The following PARP8 variants were observed in gnomAD, a reference collection of about 807,000 sequenced individuals.
PARP8 encodes the protein poly(ADP-ribose) polymerase family member 8.
In PARP8, 51 loss-of-function variants were observed where a neutral mutation model predicts 124.1. The ratio of observed to expected loss-of-function variants is 0.41; its 90% confidence interval spans 0.33 to 0.52. The LOEUF is 0.52. Among genes scored for constraint, PARP8 ranks in the 20% least tolerant of loss-of-function variants. The pLI is 0.21. For synonymous variants in PARP8, 391 were observed against 361.5 expected, an observed-to-expected ratio of 1.08 and a Z score of -0.93; for missense variants, 860 against 1,018.9, an observed-to-expected ratio of 0.84 and a Z score of 2.12.
intron 2 of PARP8, among the ~76,000 whole-genome samples, chr5:50,698,908 C>T (rs1341415020): frequency 6.6e-6 from 1 of 152,152 alleles, no homozygotes; most frequent in Non-Finnish European, 1.5e-5. Context: ...TGTTTCCCTT[C>T]CCCTAGGGAA....
chr5:50,787,991 C>A (rs1421245698), intron 9 of PARP8, among the ~76,000 whole-genome samples: 1 of 148,986 alleles, frequency 6.7e-6, no homozygotes, highest in African/African-American at 2.5e-5. Flanking sequence ...GTACGAACCA[C>A]GTGAAAAGGA....
chr5:50,689,504 A>G (rs1752259277), intron 2 of PARP8, among the ~76,000 whole-genome samples: 1 of 152,182 alleles, frequency 6.6e-6, no homozygotes, highest in Admixed American at 6.5e-5. Context: ...ATTTCAGGGA[A>G]GGAGGGAAAA....
At chr5:50,703,291 C>T (rs4548483) in intron 2 of PARP8, among the ~76,000 whole-genome samples, 79,166 of 142,012 alleles carry the variant, frequency 0.56, 22,958 homozygotes, top group East Asian at 0.67. Flanking sequence ...CGGAGTGAGA[C>T]CGTGTCTCAA....
intron 2 of PARP8, among the ~76,000 whole-genome samples, chr5:50,725,351 A>C (rs181760837): frequency 1.3e-5 from 2 of 152,104 alleles, no homozygotes; most frequent in Non-Finnish European, 2.9e-5. Context: ...TACATGAACA[A>C]TCTTACATGT....
Position 50,829,812 on chromosome 5 carries a change from A to G in PARP8, c.2164-80A>G, listed in dbSNP as rs1187325632. The G allele has an allele frequency of 1.1e-5, 15 of 1,362,066 alleles. No individual in the cohort carries two copies. In the African/African-American group the frequency reaches 1.2e-4, roughly 11 times the overall value. 84.4% of individuals were successfully genotyped at this position (1,362,066 alleles called of 1,614,324 possible). On this transcript the variant is annotated intron_variant, in intron 21 of 25. Transcript: ENST00000281631. ...TTTTTGTAAGACTGAATGTTCTGACATGAAACTGATTGCTTTGTCAAATAT... is the reference window on the plus strand; with the variant it reads ...TTTTTGTAAGACTGAATGTTCTGACGTGAAACTGATTGCTTTGTCAAATAT...
rs1426148087 is a variant in PARP8, at chr5:50,845,927, T to C, written c.*3859T>C. 2.0e-5 allele frequency: 3 copies of C among 151,796 alleles called. No homozygotes were observed. The highest frequency in any genetic ancestry group is 3.0e-5 in the Non-Finnish European group (2 of 67,786). 9.4% of individuals were successfully genotyped at this position (151,796 alleles called of 1,614,324 possible). On this transcript the variant is annotated 3_prime_UTR_variant, in exon 26 of 26. Coordinates refer to ENST00000281631, the MANE Select transcript of PARP8 (RefSeq NM_024615.4). ...AGATTTGATGTATATTATTACCCAG[T>C]AAATTCTTCTTGGGAATTTTGTATA...
In PARP8 at chr5:50,795,259, A is replaced by G. The variant is rs2149650490; in HGVS notation, c.1270A>G (p.Lys424Glu). The change falls in exon 12 of 26, where the codon AAA (lysine) becomes GAA (glutamate). Residue 424 changes from lysine (K) to glutamate (E), a missense_variant. Coordinates refer to ENST00000281631, the MANE Select transcript of PARP8 (RefSeq NM_024615.4). ...NLRMEELYGL[K>E]NHKLLSKSYS... ...CAGAATGGAAGAATTATATGGACTGAAAAATCACAAATTGCTCAGCAAGTC... is the reference window on the plus strand; with the variant it reads ...CAGAATGGAAGAATTATATGGACTGGAAAATCACAAATTGCTCAGCAAGTC... The G allele has an allele frequency of 1.9e-6, 3 of 1,614,172 alleles. No homozygotes were observed. The highest frequency in any genetic ancestry group is 2.5e-6 in the Non-Finnish European group (3 of 1,180,022).
intron 2 of PARP8, among the ~76,000 whole-genome samples, chr5:50,724,833 T>A (rs984627950): frequency 6.6e-6 from 1 of 151,930 alleles, no homozygotes; most frequent in Non-Finnish European, 1.5e-5. Context: ...ACTGTGTAGT[T>A]TTTTATCCCT....
intron 2 of PARP8, among the ~76,000 whole-genome samples, chr5:50,707,129 A>G (rs768957330): frequency 2.6e-5 from 4 of 152,098 alleles, no homozygotes; most frequent in Non-Finnish European, 5.9e-5. Context: ...TGTACACATA[A>G]GAACATTTAC....
chr5:50,828,255 AC>A, intron 20 of PARP8, 56 bp from the exon 21 acceptor site: 1 of 1,517,338 alleles, frequency 6.6e-7, no homozygotes, highest in Non-Finnish European at 9.1e-7. Flanking sequence ...TGTTTTGACC[AC>A]TTTGAAGATA....
intron 23 of PARP8, chr5:50,833,467 G>A (rs1747213376): frequency 2.3e-6 from 1 of 437,640 alleles, no homozygotes; most frequent in African/African-American, 2.1e-5. Context: ...GATAAGTAGT[G>A]TGACTTTAAA....
At chr5:50,775,999 T>A (rs113235351) in intron 7 of PARP8, among the ~76,000 whole-genome samples, 4 of 152,314 alleles carry the variant, frequency 2.6e-5, no homozygotes, top group African/African-American at 9.6e-5. Context: ...AGCATTGAGT[T>A]TTTTCTTATT....
intron 2 of PARP8, among the ~76,000 whole-genome samples, chr5:50,714,458 A>C (rs1419115961): frequency 1.3e-5 from 2 of 151,992 alleles, no homozygotes; most frequent in African/African-American, 4.8e-5. Flanking sequence ...CTGAACATGC[A>C]GGTTTGTTAC....
At chr5:50,753,031 A>C (rs959852792) in intron 3 of PARP8, among the ~76,000 whole-genome samples, 3 of 152,096 alleles carry the variant, frequency 2.0e-5, no homozygotes, top group Admixed American at 1.3e-4. Flanking sequence ...TATAAATGAA[A>C]TACTAAATGA....
At chr5:50,741,459 A>G (rs1413025410) in intron 2 of PARP8, among the ~76,000 whole-genome samples, 3 of 152,196 alleles carry the variant, frequency 2.0e-5, no homozygotes, top group African/African-American at 7.2e-5. Context: ...AGCTTGCATC[A>G]ATGTTACTAA....
intron 7 of PARP8, among the ~76,000 whole-genome samples, chr5:50,767,039 A>G (rs922751595): frequency 2.0e-5 from 3 of 152,062 alleles, no homozygotes; most frequent in African/African-American, 7.2e-5. Flanking sequence ...AGTGTTAGGC[A>G]TGGATATATC....
intron 2 of PARP8, among the ~76,000 whole-genome samples, chr5:50,720,245 G>T (rs1450922734): frequency 6.6e-6 from 1 of 152,056 alleles, no homozygotes; most frequent in African/African-American, 2.4e-5. Context: ...TGGGGATTTG[G>T]GAAGTAGTAC....
intron 2 of PARP8, among the ~76,000 whole-genome samples, chr5:50,711,346 A>T (rs575687639): frequency 6.6e-6 from 1 of 152,090 alleles, no homozygotes; most frequent in African/African-American, 2.4e-5. Flanking sequence ...ATAAAAGCCT[A>T]TTAGTTTAAT....
chr5:50,735,938 C>T (rs1319250705), intron 2 of PARP8, among the ~76,000 whole-genome samples: 1 of 149,554 alleles, frequency 6.7e-6, no homozygotes, highest in Non-Finnish European at 1.5e-5. Flanking sequence ...TAGGATCAAG[C>T]CAGGAGATCT....
Sources: allele counts gnomAD v4.1 joint callset (sites outside exome capture counted in the v4.1 genomes callset), GRCh38; gene constraint gnomAD v4.1.1; transcripts MANE v1.5; gene names NCBI Gene and HGNC (gene_info 2026-07-23, HGNC 2026-07-21).